The following DCDC2 variants were observed in gnomAD, a reference collection of about 807,000 sequenced individuals.
The protein encoded by DCDC2 is doublecortin domain containing 2.
A neutral mutation model predicts 50.2 loss-of-function variants in DCDC2; 40 were observed. That is an observed-to-expected ratio of 0.80 (90% CI 0.62 to 1.04). The LOEUF is 1.04. Among genes scored for constraint, DCDC2 ranks in the 50% least tolerant of loss-of-function variants. The probability of loss-of-function intolerance (pLI) is 0.00; values close to 1 mark genes in which losing one functional copy is unlikely to be tolerated. For missense variants in DCDC2, 570 were observed against 581.9 expected (o/e 0.98, Z 0.21); for synonymous variants, 234 against 210.6 (o/e 1.11, Z -0.96).
the DCDC2 span, among the ~76,000 whole-genome samples, chr6:24,381,378 A>T: frequency 6.6e-6 from 1 of 152,216 alleles, no homozygotes; most frequent in African/African-American, 2.4e-5. Context: ...ACACAGTGAG[A>T]TCAATACTGT....
At chr6:24,360,395 A>G (rs541282123), upstream of DCDC2, among the ~76,000 whole-genome samples, 1 of 152,310 alleles carries the variant, frequency 6.6e-6, no homozygotes, top group South Asian at 2.1e-4. Flanking sequence ...GAAAACCTAC[A>G]AAATTTTGAG....
chr6:24,198,256 G>T (rs1194422809), intron 8 of DCDC2, among the ~76,000 whole-genome samples: 1 of 152,232 alleles, frequency 6.6e-6, no homozygotes, highest in African/African-American at 2.4e-5. Context: ...CTCCCAGTGA[G>T]ATCAACACAG....
At chr6:24,199,356 T>C (rs1014165722) in intron 8 of DCDC2, among the ~76,000 whole-genome samples, 1 of 152,194 alleles carries the variant, frequency 6.6e-6, no homozygotes, top group Admixed American at 6.5e-5. Flanking sequence ...CTGCTGGTGA[T>C]ACCCAGGCAA....
chr6:24,217,747 A>G (rs1004772318), intron 7 of DCDC2, among the ~76,000 whole-genome samples: 17 of 152,296 alleles, frequency 1.1e-4, no homozygotes, highest in African/African-American at 3.1e-4. Flanking sequence ...TAAGGTGTTT[A>G]TATTTGCTCC....
chr6:24,289,858 A>T (rs906145896), intron 5 of DCDC2, among the ~76,000 whole-genome samples: 139 of 151,120 alleles, frequency 9.2e-4, no homozygotes, highest in African/African-American at 2.9e-3. Context: ...ACCAAAAAAA[A>T]TTTTTTTTTG....
At chr6:24,259,313 G>A (rs1005441244) in intron 7 of DCDC2, among the ~76,000 whole-genome samples, 1 of 152,082 alleles carries the variant, frequency 6.6e-6, no homozygotes, top group African/African-American at 2.4e-5. Context: ...ATGTGTCAAG[G>A]GCCTTTTAGT....
upstream of DCDC2, chr6:24,358,164 A>C (rs1259953548): frequency 2.2e-6 from 1 of 463,642 alleles, no homozygotes; most frequent in East Asian, 3.4e-5. Flanking sequence ...GGTGAAACCC[A>C]ATTTCTTACA....
intron 2 of DCDC2, among the ~76,000 whole-genome samples, chr6:24,313,679 C>A (rs1759612182): frequency 6.6e-6 from 1 of 152,212 alleles, no homozygotes; most frequent in Non-Finnish European, 1.5e-5. Flanking sequence ...GTCATTTAGC[C>A]CCCAGGATTC....
intron 2 of DCDC2, among the ~76,000 whole-genome samples, chr6:24,338,775 A>C (rs1760102165): frequency 6.6e-6 from 1 of 152,076 alleles, no homozygotes; most frequent in Admixed American, 6.5e-5. Context: ...CCTCCCAAGT[A>C]GCTGGGATTA....
chr6:24,373,244 A>G, the DCDC2 span, among the ~76,000 whole-genome samples: 2 of 152,360 alleles, frequency 1.3e-5, no homozygotes, highest in African/African-American at 2.4e-5. Flanking sequence ...CTTTGTACAT[A>G]TCCTAGGGAA....
intron 2 of DCDC2, among the ~76,000 whole-genome samples, chr6:24,309,096 G>A (rs1759526333): frequency 6.6e-6 from 1 of 152,096 alleles, no homozygotes. Context: ...GGAGGCCAAG[G>A]TGGGTGGATC....
rs192104800 is a variant in DCDC2 at position 24,269,370 on chromosome 6, T to C, written c.922+8679A>G. The stretch of plus-strand genomic sequence containing the variant: ...AAAAATGTCAATGCTTGCAACATAA[T>C]TTGGCATTTAGGGATAGTGAATAAA... On this transcript the variant is annotated intron_variant, in intron 7 of 9. Coordinates refer to ENST00000378454, the MANE Select transcript of DCDC2 (RefSeq NM_016356.5). Among the ~76,000 whole-genome samples, 548 of 152,288 alleles carry C rather than the reference T, an allele frequency of 3.6e-3. 2 individuals are homozygous for C. Among genetic ancestry groups the C allele is most frequent in the African/African-American group, 0.012 (491 of 41,546 alleles).
chr6:24,254,047 T>A (rs1291513639), intron 7 of DCDC2, among the ~76,000 whole-genome samples: 1 of 152,162 alleles, frequency 6.6e-6, no homozygotes, highest in Non-Finnish European at 1.5e-5. Context: ...AAGTTTTGTT[T>A]AATTTTTAAA....
At chr6:24,319,623 T>C (rs1291052530) in intron 2 of DCDC2, among the ~76,000 whole-genome samples, 2 of 152,152 alleles carry the variant, frequency 1.3e-5, no homozygotes, top group African/African-American at 4.8e-5. Flanking sequence ...TACAGTAAAG[T>C]GCCAAAGACT....
At chr6:24,195,852 G>T (rs371738624) in intron 8 of DCDC2, among the ~76,000 whole-genome samples, 1 of 152,210 alleles carries the variant, frequency 6.6e-6, no homozygotes, top group Non-Finnish European at 1.5e-5. Context: ...GGCCAGCAGT[G>T]CCTCTGCTCA....
At chr6:24,249,734 T>C (rs1233491526) in intron 7 of DCDC2, among the ~76,000 whole-genome samples, 2 of 152,232 alleles carry the variant, frequency 1.3e-5, no homozygotes, top group South Asian at 2.1e-4. Context: ...CTCAGGAATA[T>C]CATACCCTCA....
chr6:24,199,265 G>C (rs1014109213), intron 8 of DCDC2, among the ~76,000 whole-genome samples: 14 of 152,190 alleles, frequency 9.2e-5, no homozygotes, highest in African/African-American at 3.4e-4. Context: ...GGAGAGCTCT[G>C]GTTGGCATCT....
At chr6:24,311,296 A>G (rs77112259) in intron 2 of DCDC2, among the ~76,000 whole-genome samples, 2,202 of 152,304 alleles carry the variant, frequency 0.014, 18 homozygotes, top group Middle Eastern at 0.044. Flanking sequence ...TACTTTTTAT[A>G]CAATACTTTT....
intron 2 of DCDC2, among the ~76,000 whole-genome samples, chr6:24,345,591 G>T (rs1760239486): frequency 6.6e-6 from 1 of 151,366 alleles, no homozygotes; most frequent in Non-Finnish European, 1.5e-5. Flanking sequence ...TCAGAAGGAT[G>T]GCTTATCCAA....
Sources: allele counts gnomAD v4.1 joint callset (sites outside exome capture counted in the v4.1 genomes callset), GRCh38; gene constraint gnomAD v4.1.1; transcripts MANE v1.5; gene names NCBI Gene and HGNC (gene_info 2026-07-23, HGNC 2026-07-21).